The following TRIM48 variants were observed in gnomAD, a reference collection of about 807,000 sequenced individuals.
TRIM48 encodes the protein E3 ubiquitin-protein ligase TRIM48.
In TRIM48, 31 loss-of-function variants were observed where a neutral mutation model predicts 29.5. The observed-to-expected ratio is 1.05, with a 90% CI of 0.79 to 1.42. The LOEUF (loss-of-function observed/expected upper bound fraction) is 1.42, where lower values mean the gene tolerates loss of function less well. TRIM48 is among the 40% of genes most tolerant of loss of function. The pLI is 0.00. For synonymous variants in TRIM48, 128 were observed against 90.6 expected, an observed-to-expected ratio of 1.41 and a Z score of -2.34; for missense variants, 344 against 265.0, an observed-to-expected ratio of 1.30 and a Z score of -2.07.
At chr11:55,265,824 CAT>C (rs912125397) in intron 3 of TRIM48, 129 bp downstream of exon 3, 3 of 1,146,876 alleles carry the variant, frequency 2.6e-6, no homozygotes, top group Non-Finnish European at 3.6e-6. Flanking sequence ...GAGAAGAAAA[CAT>C]TGAGAAAAAA....
rs1232736836 is a variant in TRIM48, at chr11:55,269,268, C to T, written c.605C>T (p.Pro202Leu). 1.3e-6 allele frequency: 2 copies of T among 1,575,980 alleles called. No homozygotes were observed. The highest frequency in any genetic ancestry group is 2.3e-4 in the Middle Eastern group (1 of 4,362). ...YRSESVLLHM[P>L]QPLNLALRAG... ...AGTGAGTCCGTGCTGCTGCACATGC[C>T]CCAGCCTCTGAATCTAGCGCTCAGG... Residue 202 changes from proline to leucine, a missense_variant, in exon 5 of 6, where the codon CCC (proline) becomes CTC (leucine). By Grantham distance (98) the Pro-to-Leu change is moderately conservative. Coordinates refer to ENST00000417545, the MANE Select transcript of TRIM48 (RefSeq NM_024114.5).
In TRIM48 at chr11:55,269,319, A is replaced by G. The variant is rs748893830; in HGVS notation, c.656A>G (p.Asp219Gly). Residue 219 changes from aspartate (D) to glycine (G), a missense_variant, in exon 5 of 6, where the codon GAC becomes GGC. Physicochemically the swap from Asp to Gly is moderately conservative, Grantham distance 94. Coordinates refer to ENST00000417545, the MANE Select transcript of TRIM48 (RefSeq NM_024114.5). ...GCAGGGCCCATCACTGGACTGAGGG[A>G]CAGGCTCAACCAATTCTGAGGTAAG... ...LRAGPITGLRDRLNQF is the reference protein window; with the variant it reads ...LRAGPITGLRGRLNQF 6.3e-7 allele frequency: 1 copy of G among 1,575,710 alleles called. No homozygotes were observed. Among genetic ancestry groups the G allele is most frequent in the East Asian group, 2.4e-5 (1 of 41,424 alleles).
intron 1 of TRIM48, among the ~76,000 whole-genome samples, chr11:55,264,380 A>G (rs919971393): frequency 4.7e-5 from 7 of 147,664 alleles, no homozygotes; most frequent in Non-Finnish European, 1.0e-4. Flanking sequence ...CAGTCCTGAG[A>G]TAAACGTGCA....
chr11:55,270,635 G>A lies in TRIM48; in HGVS notation c.*200G>A. 9 of 1,581,832 alleles carry A rather than the reference G, an allele frequency of 5.7e-6. 3 individuals are homozygous for A. Among genetic ancestry groups the A allele is most frequent in the East Asian group, 4.8e-5 (2 of 41,330 alleles). On this transcript the variant is annotated 3_prime_UTR_variant, in exon 6 of 6. Coordinates refer to ENST00000417545, the MANE Select transcript of TRIM48 (RefSeq NM_024114.5). ...GTCCATGTGGGGGACTCTTGGAATT[G>A]GGCTTTTGGTGTCTGTAATAAGTAT...
chr11:55,266,395 A>C (rs1388437156), intron 3 of TRIM48, among the ~76,000 whole-genome samples: 3 of 147,466 alleles, frequency 2.0e-5, no homozygotes, highest in African/African-American at 7.4e-5. Context: ...AGTGTGTTGA[A>C]AAGTATTTCA....
chr11:55,268,539 C>T (rs943203037), intron 4 of TRIM48, among the ~76,000 whole-genome samples, 167 bp downstream of exon 4: 6 of 146,974 alleles, frequency 4.1e-5, no homozygotes, highest in Non-Finnish European at 6.0e-5. Flanking sequence ...TAAATAAATA[C>T]ATAAATAAAT....
intron 4 of TRIM48, among the ~76,000 whole-genome samples, chr11:55,268,802 T>C (rs1302270184): frequency 6.8e-6 from 1 of 147,740 alleles, no homozygotes; most frequent in Admixed American, 6.9e-5. Flanking sequence ...ACTGTATAAG[T>C]CTCTAGGGAA....
intron 5 of TRIM48, 146 bp from the exon 6 acceptor site, chr11:55,270,291 T>G (rs1590624173): frequency 1.6e-6 from 1 of 611,214 alleles, no homozygotes; most frequent in Middle Eastern, 4.6e-4. Flanking sequence ...TATACTTTAT[T>G]AGAAGTTACA....
At chr11:55,266,378 T>A (rs1857392849) in intron 3 of TRIM48, among the ~76,000 whole-genome samples, 1 of 147,480 alleles carries the variant, frequency 6.8e-6, no homozygotes, top group African/African-American at 2.5e-5. Context: ...GTATGATAGC[T>A]AATATTAGTG....
At chr11:55,269,652 G>C (rs1857449890) in intron 5 of TRIM48, among the ~76,000 whole-genome samples, 1 of 147,394 alleles carries the variant, frequency 6.8e-6, no homozygotes, top group African/African-American at 2.5e-5. Flanking sequence ...GTTATTTAAT[G>C]TTAAATACAA....
At chr11:55,263,300 G>T (rs1440764597) in intron 1 of TRIM48, among the ~76,000 whole-genome samples, 1 of 152,096 alleles carries the variant, frequency 6.6e-6, no homozygotes, top group Non-Finnish European at 1.5e-5. Flanking sequence ...TATACCATAG[G>T]TTTGTAGCAG....
chr11:55,267,302 CTG>C, intron 3 of TRIM48: 2 of 1,297,266 alleles, frequency 1.5e-6, no homozygotes, highest in African/African-American at 1.5e-5. Context: ...ACTGGCAAGA[CTG>C]AGGTTTAAAC....
chr11:55,269,327 A>G lies in TRIM48; in HGVS notation c.664A>G (p.Asn222Asp), dbSNP rs1165465875. The G allele has an allele frequency of 2.5e-6, 4 of 1,575,372 alleles. 1 individual carries two copies. ...CATCACTGGACTGAGGGACAGGCTC[A>G]ACCAATTCTGAGGTAAGTCTCCACC... Reference protein sequence around the residue: ...GPITGLRDRLNQF With the variant: ...GPITGLRDRLDQF The change falls in exon 5 of 6, where the codon AAC becomes GAC. Residue 222 changes from asparagine to aspartate, a missense_variant. Physicochemically the swap from Asn to Asp is conservative, Grantham distance 23 (BLOSUM62 1). Coordinates refer to ENST00000417545, the MANE Select transcript of TRIM48 (RefSeq NM_024114.5).
In TRIM48 at chr11:55,264,554, A is replaced by G. The variant is rs187271431; in HGVS notation, c.45-346A>G. ...TCTTTCACACTCATTCGGCAGTCATATGAAAGAAGAATAGGAACAACTACA... is the reference window on the plus strand; with the variant it reads ...TCTTTCACACTCATTCGGCAGTCATGTGAAAGAAGAATAGGAACAACTACA... On this transcript the variant is annotated intron_variant, in intron 1 of 5. Transcript: ENST00000417545. 1.2e-3 allele frequency among the ~76,000 whole-genome samples: 179 copies of G among 147,776 alleles called. 16 individuals carry two copies. The highest frequency in any genetic ancestry group is 6.9e-3 in the Middle Eastern group (2 of 288).
chr11:55,269,801 G>C (rs908766637), intron 5 of TRIM48, among the ~76,000 whole-genome samples: 1 of 147,366 alleles, frequency 6.8e-6, no homozygotes, highest in African/African-American at 2.5e-5. Context: ...ATTAGTTAAT[G>C]GGTAAAAATA....
In TRIM48 at chr11:55,266,586, G is replaced by A. The variant is rs1345872023; in HGVS notation, c.555+891G>A. On this transcript the variant is annotated intron_variant, in intron 3 of 5. Transcript: ENST00000417545. The stretch of plus-strand genomic sequence containing the variant: ...AAGTTCTTTGTTGGAGAATAATCAA[G>A]CAGGGAAGTAGAAAAGGACAATAGA... Among the ~76,000 whole-genome samples the A allele has an allele frequency of 2.0e-5, 3 of 147,588 alleles. No homozygotes were observed. The East Asian group carries it at 6.5e-4, about 32-fold the overall frequency.
intron 5 of TRIM48, 130 bp downstream of exon 5, chr11:55,269,469 C>G: frequency 7.9e-7 from 1 of 1,258,042 alleles, no homozygotes; most frequent in African/African-American, 1.5e-5. Context: ...TATAATCATG[C>G]AACCCTTTTG....
chr11:55,264,937 G>T lies in TRIM48; in HGVS notation c.82G>T (p.Glu28Ter). ...NSGISQVFQR[E>*]LTCPICMNYF... ...TGGAATCTCGCAAGTCTTCCAGAGG[G>T]AACTCACCTGCCCCATCTGCATGAA... is the stretch of plus-strand genomic sequence containing the variant. The change falls in exon 2 of 6, where the codon GAA becomes TAA. Residue 28 changes from glutamate (E) to a stop codon, truncating the protein, a stop_gained. Coordinates refer to ENST00000417545, the MANE Select transcript of TRIM48 (RefSeq NM_024114.5). LOFTEE classifies it high-confidence loss of function. The T allele has an allele frequency of 6.3e-7, 1 of 1,583,626 alleles. No individual in the cohort carries two copies. The highest frequency in any genetic ancestry group is 8.6e-7 in the Non-Finnish European group (1 of 1,166,116).
chr11:55,266,072 G>C (rs1363171018), intron 3 of TRIM48, among the ~76,000 whole-genome samples: 1 of 147,670 alleles, frequency 6.8e-6, no homozygotes, highest in Non-Finnish European at 1.5e-5. Flanking sequence ...GCCTGGGTCA[G>C]CATTAATCTG....
Sources: allele counts gnomAD v4.1 joint callset (sites outside exome capture counted in the v4.1 genomes callset), GRCh38; gene constraint gnomAD v4.1.1; transcripts MANE v1.5; gene names NCBI Gene and HGNC (gene_info 2026-07-23, HGNC 2026-07-21).